The following RASAL2 variants were observed in gnomAD, a reference collection of about 807,000 sequenced individuals.
RASAL2 encodes ras GTPase-activating protein nGAP.
RASAL2 carries 58 observed loss-of-function variants against 128.9 expected under a neutral mutation model. That is an observed-to-expected ratio of 0.45 (90% CI 0.36 to 0.56). The LOEUF (loss-of-function observed/expected upper bound fraction) is 0.56. RASAL2 is among the 20% of genes least tolerant of loss of function. RASAL2 has a pLI of 0.00. For missense variants in RASAL2, 1,360 were observed against 1,601.6 expected, an observed-to-expected ratio of 0.85 and a Z score of 2.57; for synonymous variants, 561 against 580.8, an observed-to-expected ratio of 0.97 and a Z score of 0.49.
chr1:178,327,497 C>T (rs1050275774), intron 3 of RASAL2, among the ~76,000 whole-genome samples: 2 of 152,040 alleles, frequency 1.3e-5, no homozygotes, highest in Non-Finnish European at 2.9e-5. Flanking sequence ...AGGCACATAC[C>T]ATCACACCTA....
In RASAL2 at chr1:178,250,964, TAGTA is replaced by T. The variant is rs149473897; in HGVS notation, c.203-32596_203-32593del. On this transcript the variant is annotated intron_variant, in intron 1 of 17. Transcript: ENST00000367649. ...GTACAGTCAAGGGCTAGCTAGCATT[TAGTA>T]AGTGTCATGTTTGCTGCTACTGTTA... is the stretch of plus-strand genomic sequence containing the variant. Among the ~76,000 whole-genome samples the T allele has an allele frequency of 1.1e-3, 165 of 152,324 alleles. 1 individual carries two copies. Among genetic ancestry groups the T allele is most frequent in the African/African-American group, 3.7e-3 (154 of 41,586 alleles).
chr1:178,454,154 G>T (rs1047016667), intron 11 of RASAL2, among the ~76,000 whole-genome samples: 1 of 148,406 alleles, frequency 6.7e-6, no homozygotes, highest in African/African-American at 2.5e-5. Context: ...CTTTTGGTAG[G>T]TAAGTGAGGG....
intron 1 of RASAL2, among the ~76,000 whole-genome samples, chr1:178,166,744 G>T (rs1167685310): frequency 6.6e-6 from 1 of 152,094 alleles, no homozygotes; most frequent in Non-Finnish European, 1.5e-5. Flanking sequence ...TACATTAGGA[G>T]TATTTTTTCG....
In RASAL2 at chr1:178,414,195, A is replaced by G. The variant is rs543324554; in HGVS notation, c.565-6316A>G. On this transcript the variant is annotated intron_variant, in intron 4 of 17. Coordinates refer to ENST00000367649, the MANE Select transcript of RASAL2 (RefSeq NM_170692.4). ...CCTGATAAACCTATCATAAATCAAA[A>G]AATTGTTCAAACCATCTTAAATGGG... Among the ~76,000 whole-genome samples the G allele has an allele frequency of 2.0e-5, 3 of 152,322 alleles. No homozygotes were observed. The East Asian group carries it at 5.8e-4, about 29-fold the overall frequency.
chr1:178,167,252 AC>A, intron 1 of RASAL2, among the ~76,000 whole-genome samples: 1 of 152,148 alleles, frequency 6.6e-6, no homozygotes, highest in South Asian at 2.1e-4. Flanking sequence ...AATTAGAGAG[AC>A]AGACAGATAA....
intron 3 of RASAL2, among the ~76,000 whole-genome samples, chr1:178,373,757 G>C (rs1353147345): frequency 1.3e-5 from 2 of 152,006 alleles, no homozygotes; most frequent in African/African-American, 4.8e-5. Flanking sequence ...AAGTGCTATA[G>C]TAGTGCCCCC....
intron 4 of RASAL2, 30 bp from the exon 5 acceptor site, chr1:178,420,481 T>C: frequency 6.7e-7 from 1 of 1,485,540 alleles, no homozygotes. Context: ...TTTGGTTCTC[T>C]CTCCCATCAC....
chr1:178,320,782 C>T (rs905047449), intron 3 of RASAL2, among the ~76,000 whole-genome samples: 4 of 152,128 alleles, frequency 2.6e-5, no homozygotes, highest in Admixed American at 6.5e-5. Context: ...AGCTGTAGAC[C>T]GGAGCTGTTC....
intron 1 of RASAL2, among the ~76,000 whole-genome samples, chr1:178,151,263 A>C (rs540265575): frequency 1.3e-5 from 2 of 152,224 alleles, no homozygotes; most frequent in East Asian, 3.9e-4. Flanking sequence ...AAAATTAGCC[A>C]GATGTGGTGG....
intron 1 of RASAL2, among the ~76,000 whole-genome samples, chr1:178,250,510 T>C (rs1172510587): frequency 6.6e-6 from 1 of 152,228 alleles, no homozygotes; most frequent in Non-Finnish European, 1.5e-5. Context: ...CTTGCTGAGC[T>C]GTTTGGGAGT....
At chr1:178,100,723 G>A (rs547987289) in intron 1 of RASAL2, among the ~76,000 whole-genome samples, 48 of 152,140 alleles carry the variant, frequency 3.2e-4, no homozygotes, top group African/African-American at 1.2e-3. Flanking sequence ...TGAAATAGAG[G>A]GTTTATGTAA....
intron 3 of RASAL2, among the ~76,000 whole-genome samples, chr1:178,379,919 A>G (rs561022503): frequency 2.0e-4 from 31 of 152,326 alleles, no homozygotes; most frequent in Non-Finnish European, 3.5e-4. Context: ...TTGTGACTTA[A>G]TTTGAGACAG....
chr1:178,168,683 T>C (rs1434825751), intron 1 of RASAL2, among the ~76,000 whole-genome samples: 4 of 152,162 alleles, frequency 2.6e-5, no homozygotes, highest in African/African-American at 7.2e-5. Flanking sequence ...GTGAGACTTT[T>C]GCTTACAGGC....
chr1:178,477,962 G>A lies in RASAL2; in HGVS notation c.*4723G>A, dbSNP rs1198390374. The A allele has an allele frequency of 6.6e-6, 1 of 152,144 alleles. No individual in the cohort carries two copies. Among genetic ancestry groups the A allele is most frequent in the African/African-American group, 2.4e-5 (1 of 41,412 alleles). 9.4% of individuals were successfully genotyped at this position (152,144 alleles called of 1,614,324 possible). ...ATCTGAGAGTAGGATCCAGAAATAA[G>A]TAGTTTCAGTTCCTGATCAGTTAAG... is the stretch of plus-strand genomic sequence containing the variant. On this transcript the variant is annotated 3_prime_UTR_variant, in exon 18 of 18. Coordinates refer to ENST00000367649, the MANE Select transcript of RASAL2 (RefSeq NM_170692.4).
intron 15 of RASAL2, 37 bp downstream of exon 15, chr1:178,464,449 A>G (rs1367010480): frequency 1.2e-6 from 2 of 1,605,076 alleles, no homozygotes; most frequent in Non-Finnish European, 1.7e-6. Context: ...TTCTGATCCC[A>G]AAATGACAGG....
intron 3 of RASAL2, among the ~76,000 whole-genome samples, chr1:178,345,899 A>G (rs1670126709): frequency 6.6e-6 from 1 of 152,162 alleles, no homozygotes; most frequent in South Asian, 2.1e-4. Context: ...CTCATTTCGA[A>G]GAGTGTGTCC....
chr1:178,330,811 C>T (rs986120936), intron 3 of RASAL2, among the ~76,000 whole-genome samples: 19 of 152,044 alleles, frequency 1.2e-4, no homozygotes, highest in Admixed American at 1.1e-3. Context: ...CACCTTTCAT[C>T]TTCATTTATG....
chr1:178,108,837 C>T (rs530060619), intron 1 of RASAL2, among the ~76,000 whole-genome samples: 3 of 152,228 alleles, frequency 2.0e-5, no homozygotes, highest in African/African-American at 7.2e-5. Context: ...ATATTTTCAT[C>T]GAGTTGTATA....
At chr1:178,338,632 T>A (rs1243738382) in intron 3 of RASAL2, among the ~76,000 whole-genome samples, 1 of 152,250 alleles carries the variant, frequency 6.6e-6, no homozygotes, top group Non-Finnish European at 1.5e-5. Context: ...TTGTTGATAT[T>A]GAACTTTGAA....
Sources: allele counts gnomAD v4.1 joint callset (sites outside exome capture counted in the v4.1 genomes callset), GRCh38; gene constraint gnomAD v4.1.1; transcripts MANE v1.5; gene names NCBI Gene and HGNC (gene_info 2026-07-23, HGNC 2026-07-21).